The following CSNK1G3 variants were observed in gnomAD, a reference collection of about 807,000 sequenced individuals.
The protein encoded by CSNK1G3 is casein kinase I isoform gamma-3.
In CSNK1G3, 23 loss-of-function variants were observed where a neutral mutation model predicts 64.3. The ratio of observed to expected loss-of-function variants is 0.36; its 90% confidence interval spans 0.26 to 0.51. The LOEUF (loss-of-function observed/expected upper bound fraction) is 0.51. Ranked by LOEUF, CSNK1G3 falls within the 20% of genes least tolerant of loss-of-function variation. The pLI is 0.96. For missense variants in CSNK1G3, 357 were observed against 510.5 expected (o/e 0.70, Z 2.90); for synonymous variants, 158 against 162.2 (o/e 0.97, Z 0.20).
At chr5:123,575,987 G>T (rs1342857735) in intron 6 of CSNK1G3, 24 bp downstream of exon 6, 1 of 1,521,386 alleles carries the variant, frequency 6.6e-7, no homozygotes, top group African/African-American at 1.4e-5. Flanking sequence ...TCGTAAGTAT[G>T]GAAGTTTGAA....
chr5:123,525,916 T>A (rs1052043099), intron 1 of CSNK1G3, among the ~76,000 whole-genome samples: 11 of 149,386 alleles, frequency 7.4e-5, no homozygotes, highest in African/African-American at 2.7e-4. Context: ...GAGAACGGCA[T>A]GAACCTGGGA....
At chr5:123,573,959 C>G (rs746918486) in intron 5 of CSNK1G3, among the ~76,000 whole-genome samples, 6 of 151,578 alleles carry the variant, frequency 4.0e-5, no homozygotes, top group African/African-American at 1.5e-4. Flanking sequence ...AAGCAATTCT[C>G]CTGCCTCAGC....
intron 2 of CSNK1G3, among the ~76,000 whole-genome samples, chr5:123,552,420 A>G (rs542794057): frequency 3.3e-5 from 5 of 152,338 alleles, no homozygotes; most frequent in Non-Finnish European, 7.3e-5. Flanking sequence ...TTGGGATTAC[A>G]GGCATGAGCC....
chr5:123,576,638 C>T (rs1561556152), intron 6 of CSNK1G3, among the ~76,000 whole-genome samples: 2 of 152,144 alleles, frequency 1.3e-5, no homozygotes, highest in South Asian at 4.1e-4. Context: ...GGAGCACAGG[C>T]TATTTTATAG....
intron 4 of CSNK1G3, among the ~76,000 whole-genome samples, chr5:123,565,552 T>C (rs1481979859): frequency 1.3e-5 from 2 of 152,238 alleles, no homozygotes; most frequent in Non-Finnish European, 2.9e-5. Flanking sequence ...ATAAGTTTGT[T>C]AGTACTTTTG....
chr5:123,605,359 TGTG>T lies in CSNK1G3; in HGVS notation c.1217+1_1217+3del, dbSNP rs772020825. ...TATAGCTGCCAGAAAGTGTTGAACA[TGTG>T]GTGAGTCTCAAGTGTAGGCAGGCAG... On this transcript the variant is annotated inframe_deletion and splice_region_variant, in exon 12 of 13. Transcript: ENST00000345990. 1.9e-6 allele frequency: 3 copies of T among 1,610,798 alleles called. No individual in the cohort carries two copies. In the African/African-American group the frequency reaches 4.0e-5, roughly 22 times the overall value.
intron 6 of CSNK1G3, among the ~76,000 whole-genome samples, chr5:123,584,868 G>T (rs769232890): frequency 1.3e-5 from 2 of 152,014 alleles, no homozygotes; most frequent in South Asian, 4.1e-4. Context: ...AAGTTGTTTC[G>T]TAGTATTCTT....
chr5:123,583,847 C>G lies in CSNK1G3; in HGVS notation c.674-4221C>G, dbSNP rs529513142. Reference sequence around the variant, plus strand: ...GGTGCATGCCAACACACCCAGCCACCAGCTAATTAAAAAAAATTTTTTTTT... The same window carrying G: ...GGTGCATGCCAACACACCCAGCCACGAGCTAATTAAAAAAAATTTTTTTTT... On this transcript the variant is annotated intron_variant, in intron 6 of 12. Coordinates refer to ENST00000345990, the Ensembl canonical transcript of CSNK1G3. 2.6e-5 allele frequency among the ~76,000 whole-genome samples: 4 copies of G among 151,862 alleles called. 1 individual carries two copies. The highest frequency in any genetic ancestry group is 5.9e-5 in the Non-Finnish European group (4 of 67,928).
intron 3 of CSNK1G3, among the ~76,000 whole-genome samples, chr5:123,556,760 A>G (rs1038056698): frequency 9.1e-6 from 1 of 109,308 alleles, no homozygotes; most frequent in Middle Eastern, 4.2e-3. Context: ...TCCTCTGTAC[A>G]TGTTTGTGTG....
At chr5:123,597,030 GA>G (rs1219162867) in intron 10 of CSNK1G3, among the ~76,000 whole-genome samples, 1 of 100,804 alleles carries the variant, frequency 9.9e-6, no homozygotes, top group African/African-American at 4.4e-5. Flanking sequence ...TAAGAGCAAA[GA>G]AAAGTACCTA....
intron 10 of CSNK1G3, among the ~76,000 whole-genome samples, chr5:123,592,613 A>T (rs527295191): frequency 6.6e-6 from 1 of 151,850 alleles, no homozygotes; most frequent in Non-Finnish European, 1.5e-5. Context: ...TATATTGTTT[A>T]TCCCATCAAA....
At chr5:123,576,038 G>T in intron 6 of CSNK1G3, 75 bp downstream of exon 6, 6 of 941,180 alleles carry the variant, frequency 6.4e-6, no homozygotes, top group East Asian at 2.6e-5. Context: ...TATTTGTTAT[G>T]GTTCAGTTTT....
intron 10 of CSNK1G3, among the ~76,000 whole-genome samples, chr5:123,594,570 T>C (rs896010393): frequency 1.3e-5 from 2 of 152,204 alleles, no homozygotes; most frequent in Non-Finnish European, 2.9e-5. Flanking sequence ...AAAATATTTT[T>C]AGAATCTCAG....
intron 12 of CSNK1G3, among the ~76,000 whole-genome samples, chr5:123,607,364 T>C (rs1795532314): frequency 6.6e-6 from 1 of 152,202 alleles, no homozygotes; most frequent in Admixed American, 6.5e-5. Flanking sequence ...CATCCTCAGA[T>C]TCCTAGTGGC....
chr5:123,552,551 A>G (rs925749197), intron 2 of CSNK1G3, among the ~76,000 whole-genome samples: 1 of 152,196 alleles, frequency 6.6e-6, no homozygotes, highest in Non-Finnish European at 1.5e-5. Flanking sequence ...TTTTGTTGTA[A>G]GGTGAGGCAC....
Position 123,605,376 on chromosome 5 carries a change from G to A in CSNK1G3, c.1217+14G>A. On this transcript the variant is annotated intron_variant, in intron 12 of 12. Coordinates refer to ENST00000345990, the Ensembl canonical transcript of CSNK1G3. Reference sequence around the variant, plus strand: ...GTTGAACATGTGGTGAGTCTCAAGTGTAGGCAGGCAGAAATAGCTCCATTG... The same window carrying A: ...GTTGAACATGTGGTGAGTCTCAAGTATAGGCAGGCAGAAATAGCTCCATTG... 1.2e-6 allele frequency: 2 copies of A among 1,609,236 alleles called. No individual in the cohort carries two copies. The highest frequency in any genetic ancestry group is 1.1e-5 in the South Asian group (1 of 90,442).
chr5:123,586,532 A>G (rs766254572), intron 6 of CSNK1G3, among the ~76,000 whole-genome samples: 3 of 152,168 alleles, frequency 2.0e-5, no homozygotes, highest in African/African-American at 4.8e-5. Flanking sequence ...GCATATACTT[A>G]CATTTTATAA....
At chr5:123,596,200 G>T (rs1345555174) in intron 10 of CSNK1G3, among the ~76,000 whole-genome samples, 1 of 151,906 alleles carries the variant, frequency 6.6e-6, no homozygotes, top group Non-Finnish European at 1.5e-5. Context: ...TACTTTTGTA[G>T]AATTTTGCAG....
intron 4 of CSNK1G3, 102 bp from the exon 5 acceptor site, chr5:123,573,291 T>C (rs1213976165): frequency 1.6e-6 from 2 of 1,244,440 alleles, no homozygotes; most frequent in Non-Finnish European, 2.3e-6. Context: ...ATAGTACTGC[T>C]TTAGTTCTTG....
Sources: allele counts gnomAD v4.1 joint callset (sites outside exome capture counted in the v4.1 genomes callset), GRCh38; gene constraint gnomAD v4.1.1; transcripts MANE v1.5; gene names NCBI Gene and HGNC (gene_info 2026-07-23, HGNC 2026-07-21).